The following PCDH9 variants were observed in gnomAD, a reference collection of about 807,000 sequenced individuals.
PCDH9 encodes protocadherin 9.
In PCDH9, 24 loss-of-function variants were observed where a neutral mutation model predicts 70.6. The observed-to-expected ratio is 0.34, with a 90% CI of 0.25 to 0.48. PCDH9 has a LOEUF of 0.48. Among genes scored for constraint, PCDH9 ranks in the 20% least tolerant of loss-of-function variants. The probability of loss-of-function intolerance (pLI) is 0.99; values close to 1 mark genes in which losing one functional copy is unlikely to be tolerated. For synonymous variants in PCDH9, 562 were observed against 558.5 expected (o/e 1.01, Z -0.09); for missense variants, 1,281 against 1,503.6 (o/e 0.85, Z 2.45).
intron 4 of PCDH9, among the ~76,000 whole-genome samples, chr13:66,561,036 G>A (rs1360773732): frequency 6.6e-6 from 1 of 152,226 alleles, no homozygotes; most frequent in African/African-American, 2.4e-5. Flanking sequence ...GCCGGAGCCG[G>A]CTGCCTCAGC....
At chr13:66,952,663 C>T (rs2083202326) in intron 2 of PCDH9, among the ~76,000 whole-genome samples, 1 of 152,038 alleles carries the variant, frequency 6.6e-6, no homozygotes, top group Non-Finnish European at 1.5e-5. Context: ...GCTATAATTG[C>T]CTCTAACTCT....
chr13:66,361,812 T>G (rs973272015), intron 4 of PCDH9, among the ~76,000 whole-genome samples: 1 of 152,154 alleles, frequency 6.6e-6, no homozygotes, highest in African/African-American at 2.4e-5. Context: ...ATGCATAGGT[T>G]TATCTGCAAT....
At chr13:66,460,522 C>T (rs192418881) in intron 4 of PCDH9, among the ~76,000 whole-genome samples, 45 of 151,932 alleles carry the variant, frequency 3.0e-4, no homozygotes, top group African/African-American at 1.0e-3. Flanking sequence ...AAAGTAGAAA[C>T]ATAACTAACA....
chr13:66,807,957 T>C (rs2080437336), intron 3 of PCDH9, among the ~76,000 whole-genome samples: 1 of 151,992 alleles, frequency 6.6e-6, no homozygotes, highest in Non-Finnish European at 1.5e-5. Context: ...GAGGGCTGGG[T>C]GGTTGAGTGT....
intron 2 of PCDH9, 52 bp from the exon 3 acceptor site, chr13:66,903,657 C>T: frequency 2.6e-6 from 2 of 765,724 alleles, no homozygotes; most frequent in Non-Finnish European, 4.6e-6. Context: ...TTTAGAGTGT[C>T]CATTGAGAGA....
intron 2 of PCDH9, among the ~76,000 whole-genome samples, chr13:66,923,213 A>C (rs1296911002): frequency 1.3e-5 from 2 of 151,694 alleles, no homozygotes; most frequent in East Asian, 3.9e-4. Context: ...ATTAATTTAT[A>C]AACTGCTGCA....
chr13:66,417,599 G>A (rs910279732), intron 4 of PCDH9, among the ~76,000 whole-genome samples: 3 of 152,100 alleles, frequency 2.0e-5, no homozygotes, highest in Non-Finnish European at 4.4e-5. Flanking sequence ...CTTCCAAAAT[G>A]GTTGAACTAA....
At chr13:66,731,174 G>A (rs1244429931) in intron 3 of PCDH9, among the ~76,000 whole-genome samples, 1 of 151,938 alleles carries the variant, frequency 6.6e-6, no homozygotes, top group African/African-American at 2.4e-5. Flanking sequence ...AGGAAATGAT[G>A]ACAATCAGAG....
intron 2 of PCDH9, among the ~76,000 whole-genome samples, chr13:67,157,969 G>T (rs2087857186): frequency 6.6e-6 from 1 of 152,128 alleles, no homozygotes; most frequent in Admixed American, 6.5e-5. Flanking sequence ...AAATCATAAA[G>T]CATCTGTGGT....
chr13:66,569,972 TAGC>T (rs1471584535), intron 4 of PCDH9, among the ~76,000 whole-genome samples: 1 of 152,158 alleles, frequency 6.6e-6, no homozygotes, highest in Non-Finnish European at 1.5e-5. Flanking sequence ...AAATATTAAA[TAGC>T]AGCTTTATTC....
chr13:66,655,006 G>T (rs1480128764), intron 3 of PCDH9, among the ~76,000 whole-genome samples: 1 of 152,068 alleles, frequency 6.6e-6, no homozygotes, highest in Non-Finnish European at 1.5e-5. Flanking sequence ...GATTATAGGG[G>T]TGAGCCACCA....
At chr13:66,870,228 G>A (rs1185395638) in intron 3 of PCDH9, among the ~76,000 whole-genome samples, 1 of 152,098 alleles carries the variant, frequency 6.6e-6, no homozygotes, top group Non-Finnish European at 1.5e-5. Flanking sequence ...ATATCAGATA[G>A]TTGTAGATAT....
chr13:66,978,641 G>A (rs1040401858), intron 2 of PCDH9, among the ~76,000 whole-genome samples: 3 of 150,260 alleles, frequency 2.0e-5, no homozygotes, highest in African/African-American at 7.3e-5. Context: ...TTTATATATG[G>A]ATTGCTTCTT....
intron 4 of PCDH9, among the ~76,000 whole-genome samples, chr13:66,567,276 A>C (rs1419030497): frequency 6.6e-6 from 1 of 152,154 alleles, no homozygotes; most frequent in Admixed American, 6.5e-5. Context: ...TTAGGGAGGA[A>C]AAGTTTGCAT....
At chr13:66,641,946 G>A (rs770064330) in intron 3 of PCDH9, among the ~76,000 whole-genome samples, 1 of 152,056 alleles carries the variant, frequency 6.6e-6, no homozygotes, top group Non-Finnish European at 1.5e-5. Context: ...GGGTTTCAAT[G>A]AAAATATTGT....
chr13:66,631,759 T>A (rs946868547), intron 3 of PCDH9, among the ~76,000 whole-genome samples: 1 of 152,236 alleles, frequency 6.6e-6, no homozygotes, highest in Non-Finnish European at 1.5e-5. Context: ...AAATATGCTT[T>A]TGATAAATCT....
intron 3 of PCDH9, among the ~76,000 whole-genome samples, chr13:66,689,302 A>C (rs1213669227): frequency 2.6e-5 from 4 of 152,018 alleles, no homozygotes; most frequent in African/African-American, 7.2e-5. Context: ...TTGTCCCTCC[A>C]TTCACCTCCT....
At chr13:66,407,310 T>G (rs955283626) in intron 4 of PCDH9, among the ~76,000 whole-genome samples, 1 of 152,210 alleles carries the variant, frequency 6.6e-6, no homozygotes, top group Non-Finnish European at 1.5e-5. Flanking sequence ...CAGAATCTCT[T>G]TCTTCTAATC....
chr13:66,472,656 T>C (rs1236220094), intron 4 of PCDH9, among the ~76,000 whole-genome samples: 6 of 152,202 alleles, frequency 3.9e-5, no homozygotes. Flanking sequence ...TGTTGGTGAC[T>C]ATGTCTTAAT....
Sources: allele counts gnomAD v4.1 joint callset (sites outside exome capture counted in the v4.1 genomes callset), GRCh38; gene constraint gnomAD v4.1.1; transcripts MANE v1.5; gene names NCBI Gene and HGNC (gene_info 2026-07-23, HGNC 2026-07-21).